QARS1: variants seen among roughly 807,000 people sequenced by gnomAD.
QARS1 encodes the protein glutaminyl-tRNA synthetase 1.
A neutral mutation model predicts 106.9 loss-of-function variants in QARS1; 79 were observed. The ratio of observed to expected loss-of-function variants is 0.74; its 90% CI spans 0.62 to 0.89. QARS1 has a LOEUF of 0.89. QARS1 is among the 40% of genes least tolerant of loss of function. The pLI is 0.00. For synonymous variants in QARS1, 395 were observed against 367.7 expected (o/e 1.07, Z -0.85); for missense variants, 966 against 997.2 (o/e 0.97, Z 0.42).
chr3:49,103,045 T>C (rs2107110418), intron 5 of QARS1, among the ~76,000 whole-genome samples: 1 of 152,006 alleles, frequency 6.6e-6, no homozygotes, highest in African/African-American at 2.4e-5. Context: ...GCAGCCTTGA[T>C]CTCTTAGATT....
At chr3:49,099,933 C>T (rs1407669022) in intron 14 of QARS1, 28 bp downstream of exon 14, 1 of 1,613,778 alleles carries the variant, frequency 6.2e-7, no homozygotes, top group Non-Finnish European at 8.5e-7. Flanking sequence ...CTCGGCAGCC[C>T]CACCACCCCA....
In QARS1 at chr3:49,104,419, T is replaced by C. The variant is rs1161729877; in HGVS notation, c.170A>G (p.Tyr57Cys). ...TIDKATGILL[Y>C]GLASRLRDTR... ...ATCCCTGAGTCGGGAGGCCAAGCCA[T>C]ATAACAGGATCCCGGTAGCTTTGTC... Residue 57 changes from tyrosine (Y) to cysteine (C), a missense_variant, in exon 2 of 24, where the codon TAT (tyrosine) becomes TGT (cysteine). Transcript: ENST00000306125. The C allele has an allele frequency of 1.2e-6, 2 of 1,614,090 alleles. No individual in the cohort carries two copies. The highest frequency in any genetic ancestry group is 2.2e-5 in the East Asian group (1 of 44,866).
chr3:49,103,288 C>T, intron 5 of QARS1, 57 bp downstream of exon 5: 1 of 1,571,784 alleles, frequency 6.4e-7, no homozygotes, highest in Non-Finnish European at 8.7e-7. Flanking sequence ...TTAGTGGATT[C>T]CAGGCTCTGT....
Position 49,098,581 on chromosome 3 carries a change from G to A in QARS1, c.1956+19C>T. 6.2e-7 allele frequency: 1 copy of A among 1,606,936 alleles called. No homozygotes were observed. Among genetic ancestry groups the A allele is most frequent in the Non-Finnish European group, 8.5e-7 (1 of 1,175,648 alleles). ...GCCCCAGCAGGCACTGCAGTAGGAA[G>A]GCTGCAGCTGGCTCTCACCTTGACA... On this transcript the variant is annotated intron_variant, in intron 20 of 23. Transcript: ENST00000306125.
Position 49,097,984 on chromosome 3 carries a change from T to C in QARS1, c.2277+8A>G. 6.2e-7 allele frequency: 1 copy of C among 1,614,050 alleles called. No homozygotes were observed. Among genetic ancestry groups the C allele is most frequent in the Non-Finnish European group, 8.5e-7 (1 of 1,179,974 alleles). ...TGCAGATGAGGGCAGGTGAGTAAAG[T>C]CAAGCACCTTTCCCTGATGGCTGTC... On this transcript the variant is annotated splice_region_variant and intron_variant, in intron 23 of 23. Transcript: ENST00000306125.
chr3:49,096,739 G>A (rs896826547), intron 23 of QARS1, among the ~76,000 whole-genome samples: 1 of 139,718 alleles, frequency 7.2e-6, no homozygotes, highest in Non-Finnish European at 1.5e-5. Context: ...GGCAGAGCTT[G>A]CAGTGAGCCG....
At position 49,104,744 on chromosome 3, in the gene QARS1, C is replaced by A. The variant is rs765757010; in HGVS notation, c.-11G>T. On this transcript the variant is annotated 5_prime_UTR_variant, in exon 1 of 24. Transcript: ENST00000306125. ...GTCTAGAGCCGCCATTGCAGAGACACCGGAAACTAAAAGAAACTTAGGCCC... is the reference window on the plus strand; with the variant it reads ...GTCTAGAGCCGCCATTGCAGAGACAACGGAAACTAAAAGAAACTTAGGCCC... 6.2e-7 allele frequency: 1 copy of A among 1,611,300 alleles called. No individual in the cohort carries two copies. Among genetic ancestry groups the A allele is most frequent in the Non-Finnish European group, 8.5e-7 (1 of 1,177,978 alleles).
intron 2 of QARS1, 50 bp from the exon 3 acceptor site, chr3:49,104,022 G>A (rs2107113009): frequency 6.7e-7 from 1 of 1,492,840 alleles, no homozygotes; most frequent in South Asian, 1.2e-5. Context: ...CCAAGAAGTG[G>A]ACAGACAGGG....
rs983282837 is a variant in QARS1, at chr3:49,099,141, C to T, written c.1727G>A (p.Arg576Gln). ...AGCAGGAAAGTTGGTGATGATGACC[C>T]GTAGTGACTCCAGCACAGCCATGGC... ...PRAMAVLESL[R>Q]VIITNFPAAK... The change falls in exon 18 of 24, where the codon CGG becomes CAG. Residue 576 changes from arginine (R) to glutamine (Q), a missense_variant. Coordinates refer to ENST00000306125, the MANE Select transcript of QARS1 (RefSeq NM_005051.3). 15 of 1,614,054 alleles carry T rather than the reference C, an allele frequency of 9.3e-6. No individual in the cohort carries two copies. Among genetic ancestry groups the T allele is most frequent in the Middle Eastern group, 1.6e-4 (1 of 6,084 alleles).
chr3:49,102,256 C>T lies in QARS1; in HGVS notation c.580G>A (p.Ala194Thr). The change falls in exon 7 of 24, where the codon GCT becomes ACT. Residue 194 changes from alanine (A) to threonine (T), a missense_variant. Physicochemically the swap from Ala to Thr is moderately conservative, Grantham distance 58 (BLOSUM62 0). Transcript: ENST00000306125. Reference protein sequence around the residue: ...DLEKKFKVAKARLEETDRRTA... With the variant: ...DLEKKFKVAKTRLEETDRRTA... ...CTCCGGTCTGTTTCTTCTAGCCGAG[C>T]TTTTGCCACCTGAAAGAAGCCCCAG... 2.5e-6 allele frequency: 4 copies of T among 1,614,206 alleles called. No individual in the cohort carries two copies. Among genetic ancestry groups the T allele is most frequent in the Non-Finnish European group, 3.4e-6 (4 of 1,180,044 alleles).
In QARS1 at chr3:49,096,008, G is replaced by GGTA; in HGVS notation, c.*18_*20dup. On this transcript the variant is annotated 3_prime_UTR_variant, in exon 24 of 24. Transcript: ENST00000306125. ...GTAGCCACACCCTCCAGGAGGATGA[G>GGTA]GTAGGTTCAGTGCTTCCAGCTCACA... 6.2e-7 allele frequency: 1 copy of GGTA among 1,612,734 alleles called. No individual in the cohort carries two copies. Among genetic ancestry groups the GGTA allele is most frequent in the South Asian group, 1.1e-5 (1 of 90,818 alleles).
chr3:49,103,214 T>A, intron 5 of QARS1, 131 bp downstream of exon 5: 1 of 944,508 alleles, frequency 1.1e-6, no homozygotes. Flanking sequence ...TGCCTCAGCC[T>A]CCCAAAGTGC....
In QARS1 at chr3:49,098,870, A is replaced by C. The variant is rs761422665; in HGVS notation, c.1863+15T>G. ...GACTCAGCAGCAAACGGGACCCTCC[A>C]CCCCCACAATTTACCTCCTTGAAGT... is the stretch of plus-strand genomic sequence containing the variant. On this transcript the variant is annotated intron_variant, in intron 19 of 23. Transcript: ENST00000306125. 3.8e-6 allele frequency: 6 copies of C among 1,598,928 alleles called. No homozygotes were observed. The South Asian group carries it at 5.5e-5, about 15-fold the overall frequency.
Position 49,101,684 on chromosome 3 carries a change from C to T in QARS1, c.725G>A (p.Gly242Asp), listed in dbSNP as rs1451089279. 6.2e-7 allele frequency: 1 copy of T among 1,613,978 alleles called. No individual in the cohort carries two copies. Among genetic ancestry groups the T allele is most frequent in the African/African-American group, 1.3e-5 (1 of 74,908 alleles). ...CATGGTGTGTGGAGTGACCACATAGCCTGGGGTCTTGTAGTTCTCACCTGC... is the reference window on the plus strand; with the variant it reads ...CATGGTGTGTGGAGTGACCACATAGTCTGGGGTCTTGTAGTTCTCACCTGC... ...HKPGENYKTPGYVVTPHTMNL... is the reference protein window; with the variant it reads ...HKPGENYKTPDYVVTPHTMNL... The change falls in exon 9 of 24, where the codon GGC becomes GAC. Residue 242 changes from glycine (G) to aspartate (D), a missense_variant. Physicochemically the swap from Gly to Asp is moderately conservative, Grantham distance 94. Transcript: ENST00000306125.
In QARS1 at chr3:49,100,405, C is replaced by A; in HGVS notation, c.1030G>T (p.Ala344Ser). Residue 344 changes from alanine (A) to serine (S), a missense_variant, in exon 12 of 24, where the codon GCG becomes TCG. Physicochemically the swap from Ala to Ser is moderately conservative, Grantham distance 99 (BLOSUM62 1). Transcript: ENST00000306125. Reference sequence around the variant, plus strand: ...CTGCGGATGAGCTCCACAGCCCACGCATATAGCTGGTCAAAATAGTCAGAC... The same window carrying A: ...CTGCGGATGAGCTCCACAGCCCACGAATATAGCTGGTCAAAATAGTCAGAC... ...YASDYFDQLY[A>S]WAVELIRRGL... 6.2e-7 allele frequency: 1 copy of A among 1,614,254 alleles called. No individual in the cohort carries two copies. The highest frequency in any genetic ancestry group is 8.5e-7 in the Non-Finnish European group (1 of 1,180,046).
intron 9 of QARS1, 41 bp from the exon 10 acceptor site, chr3:49,101,482 C>T (rs1224384704): frequency 3.8e-6 from 6 of 1,587,792 alleles, no homozygotes; most frequent in Non-Finnish European, 5.2e-6. Flanking sequence ...AAAGTCTGAG[C>T]TCAGATGACC....
rs2042484125 is a variant in QARS1, at chr3:49,102,455, G to A, written c.534C>T (p.Gly178=). ...TCTCCAGATCAGCCTCCAACTTGGG[G>A]CCCAGAAGGTGGAGGACCTGAGCAG... ...EVDMQVLHLL[G]PKLEADLEKK... is the part of the protein sequence containing the mutation. The change falls in exon 6 of 24, where the codon GGC becomes GGT. Residue 178 remains glycine, a synonymous_variant. Coordinates refer to ENST00000306125, the MANE Select transcript of QARS1 (RefSeq NM_005051.3). 2 of 1,613,952 alleles carry A rather than the reference G, an allele frequency of 1.2e-6. No individual in the cohort carries two copies. Among genetic ancestry groups the A allele is most frequent in the Admixed American group, 1.7e-5 (1 of 59,982 alleles).
At chr3:49,104,268 G>T in intron 2 of QARS1, 56 bp downstream of exon 2, 1 of 1,602,704 alleles carries the variant, frequency 6.2e-7, no homozygotes, top group Admixed American at 1.7e-5. Context: ...GGAAGACAGG[G>T]GTCTTGGCTG....
intron 20 of QARS1, 35 bp from the exon 21 acceptor site, chr3:49,098,515 C>T (rs752555108): frequency 1.7e-5 from 28 of 1,613,622 alleles, no homozygotes; most frequent in South Asian, 5.5e-5. Flanking sequence ...CAATTAGACC[C>T]GGGAACCACA....
Sources: gnomAD v4.1 joint callset for allele counts (sites outside exome capture counted in the v4.1 genomes callset) on GRCh38, gnomAD v4.1.1 for gene constraint, MANE v1.5 for transcripts, NCBI Gene and HGNC (gene_info 2026-07-23, HGNC 2026-07-21) for gene names.